The following PALLD variants were observed in gnomAD, a reference collection of about 807,000 sequenced individuals.
PALLD encodes palladin.
PALLD carries 61 observed loss-of-function variants against 123.5 expected under a neutral mutation model. The observed-to-expected ratio is 0.49, with a 90% CI of 0.40 to 0.61. The LOEUF is 0.61. PALLD is among the 20% of genes least tolerant of loss of function. The pLI is 0.00. For synonymous variants in PALLD, 465 were observed against 496.4 expected (o/e 0.94, Z 0.84); for missense variants, 1,273 against 1,377.0 (o/e 0.92, Z 1.20).
chr4:168,681,918 T>G (rs1404834643), intron 4 of PALLD, among the ~76,000 whole-genome samples: 1 of 152,180 alleles, frequency 6.6e-6, no homozygotes, highest in Non-Finnish European at 1.5e-5. Flanking sequence ...TATGCCAGAA[T>G]TTTACCATAT....
At chr4:168,667,349 C>G (rs1163581746) in intron 2 of PALLD, among the ~76,000 whole-genome samples, 1 of 126,904 alleles carries the variant, frequency 7.9e-6, no homozygotes. Flanking sequence ...TGGCAGATTT[C>G]TACATATTTC....
chr4:168,525,379 T>C lies in PALLD; in HGVS notation c.908+12967T>C, dbSNP rs184908940. 1.3e-4 allele frequency among the ~76,000 whole-genome samples: 20 copies of C among 152,328 alleles called. No individual in the cohort carries two copies. In the East Asian group the frequency reaches 2.3e-3, roughly 18 times the overall value. ...TTGTCGTCATAGCCTAAAAAGTCAATGAGCACATCAAAAGGAGAGAGATTC... is the reference window on the plus strand; with the variant it reads ...TTGTCGTCATAGCCTAAAAAGTCAACGAGCACATCAAAAGGAGAGAGATTC... On this transcript the variant is annotated intron_variant, in intron 2 of 21. Transcript: ENST00000505667.
chr4:168,926,464 AG>A lies in PALLD; in HGVS notation c.*286del, dbSNP rs1762591530. On this transcript the variant is annotated 3_prime_UTR_variant, in exon 22 of 22. Coordinates refer to ENST00000505667, the MANE Select transcript of PALLD (RefSeq NM_001166108.2). ...ATATTCCTTTGTCACATTATGTAAA[AG>A]GCAGAAACATACCTTTGACTATAAG... The A allele has an allele frequency of 2.0e-6, 2 of 994,656 alleles. No individual in the cohort carries two copies. The highest frequency in any genetic ancestry group is 3.0e-6 in the Non-Finnish European group (2 of 673,394). 61.6% of individuals were successfully genotyped at this position (994,656 alleles called of 1,614,324 possible).
At chr4:168,878,397 G>T in intron 10 of PALLD, 2 of 1,486,494 alleles carry the variant, frequency 1.3e-6, no homozygotes, top group Non-Finnish European at 8.9e-7. Flanking sequence ...ACCCCCGCGT[G>T]AGTAACCGCC....
chr4:168,916,096 T>TC, intron 17 of PALLD, 69 bp downstream of exon 17: 1 of 1,424,074 alleles, frequency 7.0e-7, no homozygotes, highest in South Asian at 1.1e-5. Flanking sequence ...TCTCTATAGT[T>TC]CCTTTTGGGG....
At chr4:168,567,675 T>C (rs1343928027) in intron 2 of PALLD, among the ~76,000 whole-genome samples, 1 of 151,562 alleles carries the variant, frequency 6.6e-6, no homozygotes, top group Non-Finnish European at 1.5e-5. Flanking sequence ...GAGGCCATTA[T>C]CCTAAGTGAA....
intron 2 of PALLD, among the ~76,000 whole-genome samples, chr4:168,614,570 T>C (rs1402583683): frequency 2.0e-5 from 3 of 152,248 alleles, no homozygotes; most frequent in Admixed American, 6.5e-5. Context: ...ATGCATACTT[T>C]TACAAGTGTT....
chr4:168,911,317 A>T (rs1177154657), intron 15 of PALLD, among the ~76,000 whole-genome samples: 1 of 152,218 alleles, frequency 6.6e-6, no homozygotes, highest in Non-Finnish European at 1.5e-5. Context: ...CTTACATTAT[A>T]TCTTTTTCTA....
At chr4:168,885,439 G>A (rs74782081) in intron 10 of PALLD, 32 of 152,312 alleles carry the variant, frequency 2.1e-4, no homozygotes, top group African/African-American at 7.5e-4. Flanking sequence ...GACACACAAA[G>A]TCATGAAGTA....
At position 168,857,768 on chromosome 4, in the gene PALLD, C is replaced by T. The variant is rs536523188; in HGVS notation, c.1965-33154C>T. Among the ~76,000 whole-genome samples the T allele has an allele frequency of 2.6e-5, 4 of 152,296 alleles. 1 individual carries two copies. The South Asian group carries it at 8.3e-4, about 32-fold the overall frequency. ...ACTGCATCATCCTGTTAATCAAGAT[C>T]AATCAGATACAAAAATCTTTGGTCA... On this transcript the variant is annotated intron_variant, in intron 10 of 21. Transcript: ENST00000505667.
chr4:168,661,643 C>T (rs1433836197), intron 2 of PALLD, among the ~76,000 whole-genome samples: 2 of 152,194 alleles, frequency 1.3e-5, no homozygotes, highest in Admixed American at 1.3e-4. Context: ...TTTCCCTCAG[C>T]TCCTTGTTTG....
intron 8 of PALLD, among the ~76,000 whole-genome samples, chr4:168,701,091 AC>A (rs1561417457): frequency 1.3e-5 from 2 of 152,170 alleles, no homozygotes; most frequent in Non-Finnish European, 2.9e-5. Context: ...AAAAAAGTTT[AC>A]CATCCTAAAA....
intron 2 of PALLD, among the ~76,000 whole-genome samples, chr4:168,581,808 T>G (rs1770311693): frequency 6.6e-6 from 1 of 152,236 alleles, no homozygotes; most frequent in Admixed American, 6.5e-5. Flanking sequence ...GCCTATGTTT[T>G]TTAGGTCATA....
At chr4:168,833,520 TG>T (rs1480361962) in intron 10 of PALLD, among the ~76,000 whole-genome samples, 4 of 152,136 alleles carry the variant, frequency 2.6e-5, no homozygotes, top group African/African-American at 9.7e-5. Context: ...TGGAATAATA[TG>T]ATCCTGGTTC....
At chr4:168,768,104 C>T (rs1198944925) in intron 10 of PALLD, among the ~76,000 whole-genome samples, 1 of 152,168 alleles carries the variant, frequency 6.6e-6, no homozygotes, top group African/African-American at 2.4e-5. Context: ...GAAGTTTACC[C>T]GACTTCCTCT....
chr4:168,888,609 A>T (rs958381265), intron 10 of PALLD, among the ~76,000 whole-genome samples: 3 of 152,144 alleles, frequency 2.0e-5, no homozygotes, highest in Admixed American at 2.0e-4. Context: ...TTCAGAGATG[A>T]GAGAATTTTA....
At chr4:168,852,461 G>C (rs1405803923) in intron 10 of PALLD, among the ~76,000 whole-genome samples, 1 of 152,174 alleles carries the variant, frequency 6.6e-6, no homozygotes, top group Non-Finnish European at 1.5e-5. Flanking sequence ...ACACAAGCCT[G>C]GGCAACATAG....
chr4:168,862,893 T>C (rs1412113042), intron 10 of PALLD, among the ~76,000 whole-genome samples: 1 of 152,114 alleles, frequency 6.6e-6, no homozygotes, highest in Admixed American at 6.5e-5. Context: ...CAGAGACACA[T>C]GTTGCAATAT....
intron 1 of PALLD, among the ~76,000 whole-genome samples, chr4:168,502,989 C>T (rs1032713494): frequency 8.5e-5 from 13 of 152,200 alleles, no homozygotes; most frequent in African/African-American, 3.1e-4. Context: ...GCAAATCAGT[C>T]ATCAGAACAT....
Sources: gnomAD v4.1 joint callset for allele counts (sites outside exome capture counted in the v4.1 genomes callset) on GRCh38, gnomAD v4.1.1 for gene constraint, MANE v1.5 for transcripts, NCBI Gene and HGNC (gene_info 2026-07-23, HGNC 2026-07-21) for gene names.